PCMT1: variants seen among roughly 807,000 people sequenced by gnomAD.
The protein encoded by PCMT1 is protein-L-isoaspartate(D-aspartate) O-methyltransferase.
In PCMT1, 9 loss-of-function variants were observed where a neutral mutation model predicts 29.2. The observed-to-expected ratio is 0.31, with a 90% CI of 0.19 to 0.54. PCMT1 has a LOEUF of 0.54. Among genes scored for constraint, PCMT1 ranks in the 20% least tolerant of loss-of-function variants. PCMT1 has a pLI of 0.95. For missense variants in PCMT1, 184 were observed against 282.2 expected (o/e 0.65, Z 2.49); for synonymous variants, 98 against 97.5 (o/e 1.00, Z -0.03).
At chr6:149,756,639 A>G (rs1583002249) in intron 1 of PCMT1, among the ~76,000 whole-genome samples, 1 of 143,710 alleles carries the variant, frequency 7.0e-6, no homozygotes, top group East Asian at 2.0e-4. Context: ...TGCTGGGATT[A>G]TAGGCATGAG....
chr6:149,795,724 CTT>C (rs747009868), intron 5 of PCMT1: 8 of 261,054 alleles, frequency 3.1e-5, no homozygotes, highest in Non-Finnish European at 6.0e-5. Context: ...CTATGTATGT[CTT>C]TTGAATGTAG....
intron 1 of PCMT1, among the ~76,000 whole-genome samples, chr6:149,762,908 CTATGATATATA>C (rs1434331749): frequency 2.1e-5 from 1 of 48,602 alleles, no homozygotes; most frequent in Non-Finnish European, 2.8e-5. Flanking sequence ...TGATATATAT[CTATGATATATA>C]TATCTATGAT....
intron 3 of PCMT1, among the ~76,000 whole-genome samples, chr6:149,774,657 C>T (rs1787481872): frequency 6.6e-6 from 1 of 151,516 alleles, no homozygotes; most frequent in Non-Finnish European, 1.5e-5. Flanking sequence ...CTTGCCTCAG[C>T]CTCCCTAGTA....
intron 6 of PCMT1, chr6:149,797,776 A>C (rs1447291611): frequency 6.6e-6 from 1 of 152,130 alleles, no homozygotes; most frequent in African/African-American, 2.4e-5. Context: ...TAGATCAGTT[A>C]TGGGAAGATG....
chr6:149,807,533 G>A (rs377289783), intron 7 of PCMT1, among the ~76,000 whole-genome samples: 2 of 152,134 alleles, frequency 1.3e-5, no homozygotes, highest in Non-Finnish European at 1.5e-5. Flanking sequence ...ACGAGGCCCG[G>A]CTAATTTTTG....
At chr6:149,775,774 A>T (rs1343382588) in intron 3 of PCMT1, among the ~76,000 whole-genome samples, 2 of 152,246 alleles carry the variant, frequency 1.3e-5, no homozygotes, top group African/African-American at 4.8e-5. Context: ...TTCAATATGT[A>T]GACATGTATG....
intron 3 of PCMT1, among the ~76,000 whole-genome samples, chr6:149,786,842 C>T (rs1788117825): frequency 6.7e-6 from 1 of 149,064 alleles, no homozygotes; most frequent in African/African-American, 2.5e-5. Context: ...GGGATGGCGG[C>T]TGGGCAGAGA....
intron 3 of PCMT1, among the ~76,000 whole-genome samples, chr6:149,785,621 G>T (rs1004925746): frequency 1.4e-4 from 21 of 151,938 alleles, no homozygotes; most frequent in Non-Finnish European, 2.8e-4. Flanking sequence ...TAACGAGCAC[G>T]CTGCCTTCAA....
At chr6:149,765,215 C>G (rs1787028589) in intron 1 of PCMT1, among the ~76,000 whole-genome samples, 2 of 149,760 alleles carry the variant, frequency 1.3e-5, no homozygotes. Context: ...AGAAAATTAG[C>G]CGGGTGTGGT....
At chr6:149,760,331 A>G (rs2065663) in intron 1 of PCMT1, among the ~76,000 whole-genome samples, 52,027 of 152,026 alleles carry the variant, frequency 0.34, 10,595 homozygotes, top group East Asian at 0.81. Context: ...GCTATAAAAA[A>G]AGACCAAACC....
chr6:149,809,924 G>A (rs918114576), intron 7 of PCMT1: 20 of 151,948 alleles, frequency 1.3e-4, no homozygotes, highest in African/African-American at 4.8e-4. Flanking sequence ...GAGGCTTGTG[G>A]GCTTCTCTCG....
chr6:149,788,727 A>G (rs952030479), intron 3 of PCMT1, among the ~76,000 whole-genome samples: 3 of 152,096 alleles, frequency 2.0e-5, no homozygotes, highest in African/African-American at 4.8e-5. Context: ...TAAAATTACT[A>G]TTTTTCCTTT....
At chr6:149,785,985 C>T (rs1420659074) in intron 3 of PCMT1, among the ~76,000 whole-genome samples, 11 of 149,302 alleles carry the variant, frequency 7.4e-5, no homozygotes, top group Middle Eastern at 3.6e-3. Flanking sequence ...TAGGGGCGGC[C>T]GGGCAGAGGC....
chr6:149,750,297 T>C, intron 1 of PCMT1: 2 of 322,726 alleles, frequency 6.2e-6, no homozygotes, highest in East Asian at 1.2e-4. Flanking sequence ...GTGAGGGGCG[T>C]GCCTTCGGGG....
chr6:149,749,944 C>T lies in PCMT1; in HGVS notation c.43C>T (p.His15Tyr), dbSNP rs1449187358. Residue 15 changes from histidine (H) to tyrosine (Y), a missense_variant, in exon 1 of 8, where the codon CAC becomes TAC. Transcript: ENST00000464889. Reference sequence around the variant, plus strand: ...CGGCGCCAGCCACTCGGAGCTAATCCACAATCTCCGCAGTAAGTGCCACCT... The same window carrying T: ...CGGCGCCAGCCACTCGGAGCTAATCTACAATCTCCGCAGTAAGTGCCACCT... ...SGGASHSELIHNLRKNGIIKT... is the reference protein window; with the variant it reads ...SGGASHSELIYNLRKNGIIKT... The T allele has an allele frequency of 6.2e-7, 1 of 1,610,842 alleles. No individual in the cohort carries two copies.
Position 149,766,817 on chromosome 6 carries a change from C to T in PCMT1, c.56-4345C>T, listed in dbSNP as rs146019073. Among the ~76,000 whole-genome samples, 526 of 152,288 alleles carry T rather than the reference C, an allele frequency of 3.5e-3. 1 individual carries two copies. The highest frequency in any genetic ancestry group is 0.01 in the African/African-American group (432 of 41,546). ...TCTCCTATCCTCTAGCAACTACAGA[C>T]GGGCCTTCTACCACTATGGTTTTGG... On this transcript the variant is annotated intron_variant, in intron 1 of 7. Transcript: ENST00000464889.
chr6:149,809,927 T>G (rs970864226), intron 7 of PCMT1: 1 of 152,234 alleles, frequency 6.6e-6, no homozygotes. Flanking sequence ...GCTTGTGGGC[T>G]TCTCTCGTGG....
At chr6:149,805,145 GAT>G (rs1775969203) in intron 7 of PCMT1, among the ~76,000 whole-genome samples, 1 of 152,134 alleles carries the variant, frequency 6.6e-6, no homozygotes, top group Admixed American at 6.5e-5. Context: ...GGGAGGCTGA[GAT>G]AAGAGGATCA....
At chr6:149,752,544 A>G (rs913310880) in intron 1 of PCMT1, among the ~76,000 whole-genome samples, 1 of 152,164 alleles carries the variant, frequency 6.6e-6, no homozygotes, top group Non-Finnish European at 1.5e-5. Flanking sequence ...ATTTTATGGA[A>G]TGATGCTTGA....
Sources: gnomAD v4.1 joint callset for allele counts (sites outside exome capture counted in the v4.1 genomes callset) on GRCh38, gnomAD v4.1.1 for gene constraint, MANE v1.5 for transcripts, NCBI Gene and HGNC (gene_info 2026-07-23, HGNC 2026-07-21) for gene names.